Variants in DNAAF3 observed in about 807,000 individuals in gnomAD.
DNAAF3 encodes the protein dynein axonemal assembly factor 3, also known as UPF0470 protein C19orf51.
Under a neutral mutation model 50.9 loss-of-function variants are expected in DNAAF3, and 40 were observed. The ratio of observed to expected loss-of-function variants is 0.79; its 90% CI spans 0.61 to 1.02. The LOEUF (loss-of-function observed/expected upper bound fraction) is 1.02. Among genes scored for constraint, DNAAF3 ranks in the 50% least tolerant of loss-of-function variants. DNAAF3 has a pLI of 0.00. For synonymous variants in DNAAF3, 327 were observed against 322.8 expected (o/e 1.01, Z -0.14); for missense variants, 763 against 744.7 (o/e 1.02, Z -0.29).
intron 4 of DNAAF3, among the ~76,000 whole-genome samples, chr19:55,163,549 C>G (rs966232788): frequency 6.6e-6 from 1 of 151,924 alleles, no homozygotes; most frequent in African/African-American, 2.4e-5. Flanking sequence ...ACCTCAGGCT[C>G]CCAAAGTGTT....
rs1248539584 is a variant in DNAAF3 at position 55,161,744 on chromosome 19, G to A, written c.562C>T (p.Arg188Cys). Residue 188 changes from arginine (R) to cysteine (C), a missense_variant, in exon 6 of 12, where the codon CGC (arginine) becomes TGC (cysteine). Physicochemically the swap from Arg to Cys is radical, Grantham distance 180. Transcript: ENST00000524407. The surrounding 1 kb of genome is among the most constrained non-coding windows in gnomAD (Gnocchi z 6.4). ...EKGPQAFPMSRLWDSRLRHYL... is the reference protein window; with the variant it reads ...EKGPQAFPMSCLWDSRLRHYL... The stretch of plus-strand genomic sequence containing the variant: ...TGGCGCAGGCGCGAGTCCCAGAGGC[G>A]GCTCATGGGGAACGCCTGGGGCCCT... The A allele has an allele frequency of 3.9e-6, 6 of 1,536,532 alleles. No homozygotes were observed. The highest frequency in any genetic ancestry group is 5.2e-6 in the Non-Finnish European group (6 of 1,144,234).
At chr19:55,159,725 G>A in intron 10 of DNAAF3, 118 bp from the exon 11 acceptor site, 4 of 1,577,286 alleles carry the variant, frequency 2.5e-6, no homozygotes, top group Non-Finnish European at 3.4e-6. Context: ...TGGGTCCTGG[G>A]GAAAGAAGGG....
Position 55,160,851 on chromosome 19 carries a change from G to GT in DNAAF3, c.913-77dup, listed in dbSNP as rs2085813349. 3.9e-6 allele frequency: 6 copies of GT among 1,538,548 alleles called. No homozygotes were observed. Among genetic ancestry groups the GT allele is most frequent in the Non-Finnish European group, 5.2e-6 (6 of 1,151,946 alleles). On this transcript the variant is annotated intron_variant, in intron 8 of 11. Transcript: ENST00000524407. The surrounding 1 kb of genome is among the most constrained non-coding windows in gnomAD (Gnocchi z 4.7). ...GGGCTTAGAACGCTGGGAGTCCTCG[G>GT]TCCAGGACTAGAACTCCCGCAGCTG...
chr19:55,161,700 G>A lies in DNAAF3; in HGVS notation c.606C>T (p.Tyr202=), dbSNP rs2085837489. The change falls in exon 6 of 12, where the codon TAC becomes TAT. Residue 202 remains tyrosine, a synonymous_variant. Coordinates refer to ENST00000524407, the MANE Select transcript of DNAAF3 (RefSeq NM_001256715.2). The surrounding 1 kb of genome is among the most constrained non-coding windows in gnomAD (Gnocchi z 6.4). ...AGTCGCTGACACCGCGCCGGGCGTC[G>A]TAGCGGGAGCCCAGGTAGTGGCGCA... ...SRLRHYLGSR[Y]DARRGVSDWD... 1 of 1,541,040 alleles carries A rather than the reference G, an allele frequency of 6.5e-7. No individual in the cohort carries two copies. The highest frequency in any genetic ancestry group is 8.7e-7 in the Non-Finnish European group (1 of 1,146,418).
In DNAAF3 at chr19:55,162,655, A is replaced by G. The variant is rs1599924439; in HGVS notation, c.323-365T>C. 6.0e-6 allele frequency: 6 copies of G among 999,536 alleles called. 1 individual carries two copies. In the Admixed American group the frequency reaches 3.6e-4, roughly 60 times the overall value. The allele number at this position is 999,536 out of a possible 1,614,324, so 61.9% of individuals were successfully genotyped here. A position where few individuals can be genotyped will look rare whatever the true frequency, so the allele number is the denominator to read the frequency against. ...TGCAGATTCCACACTCACCGCAGACAGAGAATATTTGGGGGAAAAGATAAC... is the reference window on the plus strand; with the variant it reads ...TGCAGATTCCACACTCACCGCAGACGGAGAATATTTGGGGGAAAAGATAAC... On this transcript the variant is annotated intron_variant, in intron 4 of 11. Transcript: ENST00000524407.
chr19:55,160,633 G>C lies in DNAAF3; in HGVS notation c.1048+7C>G, dbSNP rs2085804924. ...CCCTGGCTTACCTGTTGTTGTCCCT[G>C]GCTTACCTGGAGTCCCTGGCTCCGG... On this transcript the variant is annotated splice_region_variant and intron_variant, in intron 9 of 11. Transcript: ENST00000524407. This position sits in a 1 kb window ranked among gnomAD's most constrained non-coding sequence, Gnocchi z 4.7. The C allele has an allele frequency of 6.2e-7, 1 of 1,608,318 alleles. No homozygotes were observed. Among genetic ancestry groups the C allele is most frequent in the African/African-American group, 1.4e-5 (1 of 73,926 alleles).
In DNAAF3 at chr19:55,159,245, C is replaced by G. The variant is rs751901961; in HGVS notation, c.1443G>C (p.Gln481His). The change falls in exon 12 of 12, where the codon CAG (glutamine) becomes CAC (histidine). Residue 481 changes from glutamine to histidine, a missense_variant. Physicochemically the swap from Gln to His is conservative, Grantham distance 24. Coordinates refer to ENST00000524407, the MANE Select transcript of DNAAF3 (RefSeq NM_001256715.2). ...PGTPPLDILA[Q>H]PLEASNPALE... ...GGGCTGGGTTGCTGGCTTCAAGAGG[C>G]TGGGCCAGGATGTCAAGGGGCGGAG... The G allele has an allele frequency of 3.1e-6, 5 of 1,613,976 alleles. No homozygotes were observed. The highest frequency in any genetic ancestry group is 4.2e-6 in the Non-Finnish European group (5 of 1,180,026).
In DNAAF3 at chr19:55,158,915, A is replaced by G. The variant is rs1487999027; in HGVS notation, c.*147T>C. On this transcript the variant is annotated 3_prime_UTR_variant, in exon 12 of 12. Transcript: ENST00000524407. ...AAATGGAATTTGAAAGTCTACCAAC[A>G]CTCCCGGGGTGGGGGTGGCGGGTAC... 2 of 809,630 alleles carry G rather than the reference A, an allele frequency of 2.5e-6. No individual in the cohort carries two copies. Among genetic ancestry groups the G allele is most frequent in the South Asian group, 2.1e-5 (1 of 46,976 alleles). The allele number at this position is 809,630 out of a possible 1,614,324, so 50.2% of individuals were successfully genotyped here. A position where few individuals can be genotyped will look rare whatever the true frequency, so the allele number is the denominator to read the frequency against.
At chr19:55,162,053 A>G in intron 5 of DNAAF3, 80 bp downstream of exon 5, 2 of 1,324,704 alleles carry the variant, frequency 1.5e-6, no homozygotes, top group Non-Finnish European at 1.9e-6. Flanking sequence ...CGCCTGCTCC[A>G]TCAACGCACG....
Position 55,160,575 on chromosome 19 carries a change from AC to A in DNAAF3, c.1048+64del. The A allele has an allele frequency of 6.2e-7, 1 of 1,611,648 alleles. No homozygotes were observed. Among genetic ancestry groups the A allele is most frequent in the Non-Finnish European group, 8.5e-7 (1 of 1,179,432 alleles). On this transcript the variant is annotated intron_variant, in intron 9 of 11. Transcript: ENST00000524407. This position sits in a 1 kb window ranked among gnomAD's most constrained non-coding sequence, Gnocchi z 4.7. ...CAGGCATTCCAAATCATGTCAGTCC[AC>A]ACTCCAGTGTGAAACACCTGGAGGC...
At position 55,162,242 on chromosome 19, in the gene DNAAF3, G is replaced by A. The variant is rs1159640539; in HGVS notation, c.371C>T (p.Pro124Leu). ...GGCACGCACGAAGGCGGCCACTGGC[G>A]GGCGCAGCAGCGCGTTCCCCCACAC... ...LEVWGNALLR[P>L]PVAAFVRAQA... The change falls in exon 5 of 12, where the codon CCG becomes CTG. Residue 124 changes from proline to leucine, a missense_variant. Transcript: ENST00000524407. The A allele has an allele frequency of 8.0e-7, 1 of 1,250,148 alleles. No homozygotes were observed. Among genetic ancestry groups the A allele is most frequent in the Non-Finnish European group, 1.0e-6 (1 of 989,620 alleles). The allele number at this position is 1,250,148 out of a possible 1,614,324, so 77.4% of individuals were successfully genotyped here. A position where few individuals can be genotyped will look rare whatever the true frequency, so the allele number is the denominator to read the frequency against.
chr19:55,166,577 G>A lies in DNAAF3; in HGVS notation c.-59C>T, dbSNP rs376972065. On this transcript the variant is annotated 5_prime_UTR_variant, in exon 1 of 12. Transcript: ENST00000524407. This position sits in a 1 kb window ranked among gnomAD's most constrained non-coding sequence, Gnocchi z 4.0. ...CTTCCTCTCTGCTCAGTGCAGCACTGTGGACCCGCGGCACTCCACAACCGC... is the reference window on the plus strand; with the variant it reads ...CTTCCTCTCTGCTCAGTGCAGCACTATGGACCCGCGGCACTCCACAACCGC... The A allele has an allele frequency of 4.7e-4, 764 of 1,614,142 alleles. 8 individuals are homozygous for A. The South Asian group carries it at 7.9e-3, about 17-fold the overall frequency.
chr19:55,161,494 AC>A lies in DNAAF3; in HGVS notation c.664-77del. ...AGACCCCTACACCAGCCTCCCTCAGACCCAGGAGTCCAGGTCCCCAGGCCCT... is the reference window on the plus strand; with the variant it reads ...AGACCCCTACACCAGCCTCCCTCAGACCAGGAGTCCAGGTCCCCAGGCCCT... On this transcript the variant is annotated intron_variant, in intron 6 of 11. Transcript: ENST00000524407. The surrounding 1 kb of genome is among the most constrained non-coding windows in gnomAD (Gnocchi z 6.4). The A allele has an allele frequency of 6.6e-7, 1 of 1,522,596 alleles. No individual in the cohort carries two copies. Among genetic ancestry groups the A allele is most frequent in the Non-Finnish European group, 8.8e-7 (1 of 1,137,770 alleles). The allele number at this position is 1,522,596 out of a possible 1,614,324, so 94.3% of individuals were successfully genotyped here.
At chr19:55,163,657 C>G (rs554077984) in intron 4 of DNAAF3, among the ~76,000 whole-genome samples, 1 of 152,182 alleles carries the variant, frequency 6.6e-6, no homozygotes, top group African/African-American at 2.4e-5. Context: ...GGTCCTGGAA[C>G]CAGTCCCCAG....
chr19:55,160,671 G>GTGC lies in DNAAF3; in HGVS notation c.1014_1016dup (p.Gln338dup). The GTGC allele has an allele frequency of 6.2e-7, 1 of 1,613,850 alleles. No individual in the cohort carries two copies. Among genetic ancestry groups the GTGC allele is most frequent in the Admixed American group, 1.7e-5 (1 of 60,022 alleles). The stretch of plus-strand genomic sequence containing the variant: ...TCCCTGGCTCCGGGCTTCCCTCCGC[G>GTGC]TGCTGCTGCTCCTCCAGGTCCCCCC... On this transcript the variant is annotated inframe_insertion, in exon 9 of 12. Coordinates refer to ENST00000524407, the MANE Select transcript of DNAAF3 (RefSeq NM_001256715.2). The surrounding 1 kb of genome is among the most constrained non-coding windows in gnomAD (Gnocchi z 4.7).
chr19:55,163,199 C>A (rs2085873721), intron 4 of DNAAF3, among the ~76,000 whole-genome samples: 1 of 151,284 alleles, frequency 6.6e-6, no homozygotes, highest in African/African-American at 2.4e-5. Flanking sequence ...TTAGTAGAGA[C>A]GGGGTTTCAC....
rs1213081677 is a variant in DNAAF3, at chr19:55,160,035, G to A, written c.1049-22C>T. ...GCTGCTGGGGGAAGGGGATAGAGGGGTCACCTCTGACAGGCGGAGCCATAA... is the reference window on the plus strand; with the variant it reads ...GCTGCTGGGGGAAGGGGATAGAGGGATCACCTCTGACAGGCGGAGCCATAA... On this transcript the variant is annotated intron_variant, in intron 9 of 11. Transcript: ENST00000524407. The surrounding 1 kb of genome is among the most constrained non-coding windows in gnomAD (Gnocchi z 4.7). 1.3e-6 allele frequency: 2 copies of A among 1,511,464 alleles called. No individual in the cohort carries two copies. The highest frequency in any genetic ancestry group is 1.7e-5 in the Admixed American group (1 of 59,838). The allele number at this position is 1,511,464 out of a possible 1,614,324, so 93.6% of individuals were successfully genotyped here. A position where few individuals can be genotyped will look rare whatever the true frequency, so the allele number is the denominator to read the frequency against.
rs1003056127 is a variant in DNAAF3 at position 55,162,643 on chromosome 19, C to T, written c.323-353G>A. The T allele has an allele frequency of 9.0e-6, 9 of 1,003,110 alleles. No individual in the cohort carries two copies. The East Asian group carries it at 2.9e-4, about 33-fold the overall frequency. The allele number at this position is 1,003,110 out of a possible 1,614,324, so 62.1% of individuals were successfully genotyped here. ...GGGAATTAGAGTTGCAGATTCCACA[C>T]TCACCGCAGACAGAGAATATTTGGG... On this transcript the variant is annotated intron_variant, in intron 4 of 11. Coordinates refer to ENST00000524407, the MANE Select transcript of DNAAF3 (RefSeq NM_001256715.2).
intron 10 of DNAAF3, 122 bp downstream of exon 10, chr19:55,159,776 TG>T: frequency 2.1e-6 from 2 of 957,536 alleles, no homozygotes; most frequent in Non-Finnish European, 1.3e-6. Context: ...GAGGAGGGGC[TG>T]GGGGCCTGGA....
Sources: gnomAD v4.1 joint callset for allele counts (sites outside exome capture counted in the v4.1 genomes callset) on GRCh38, gnomAD v4.1.1 for gene constraint, Gnocchi (gnomAD v3.1) non-coding constraint, MANE v1.5 for transcripts, NCBI Gene and HGNC (gene_info 2026-07-23, HGNC 2026-07-21) for gene names.